The following MROH2B variants were observed in gnomAD, a reference collection of about 807,000 sequenced individuals.
MROH2B encodes maestro heat like repeat family member 2B.
In MROH2B, 177 loss-of-function variants were observed where a neutral mutation model predicts 208.6. That is an observed-to-expected ratio of 0.85 (90% confidence interval 0.75 to 0.96). MROH2B has a LOEUF of 0.96. Ranked by LOEUF, MROH2B falls within the 40% of genes least tolerant of loss-of-function variation. The pLI is 0.00. For synonymous variants in MROH2B, 728 were observed against 659.0 expected (o/e 1.10, Z -1.60); for missense variants, 2,002 against 1,878.7 (o/e 1.07, Z -1.21).
intron 24 of MROH2B, among the ~76,000 whole-genome samples, chr5:41,027,164 C>G (rs1385120974): frequency 2.0e-5 from 3 of 152,150 alleles, no homozygotes; most frequent in Non-Finnish European, 4.4e-5. Flanking sequence ...AAAGCAATGG[C>G]AACAAAAGCA....
intron 24 of MROH2B, 91 bp from the exon 25 acceptor site, chr5:41,019,109 C>A: frequency 4.6e-6 from 7 of 1,506,254 alleles, no homozygotes; most frequent in Non-Finnish European, 6.3e-6. Flanking sequence ...TCACATCTGA[C>A]CAGGCAACTA....
chr5:41,042,319 A>C, intron 18 of MROH2B, 111 bp from the exon 19 acceptor site: 1 of 633,898 alleles, frequency 1.6e-6, no homozygotes, highest in Non-Finnish European at 2.8e-6. Flanking sequence ...GGGGTGACTT[A>C]ATAACCATGT....
At chr5:41,063,847 A>G (rs143407062) in intron 5 of MROH2B, among the ~76,000 whole-genome samples, 1 of 152,120 alleles carries the variant, frequency 6.6e-6, no homozygotes, top group South Asian at 2.1e-4. Flanking sequence ...GCTTCCTAGG[A>G]ATTCCAGGGC....
chr5:41,011,627 C>T (rs1741776355), intron 30 of MROH2B, among the ~76,000 whole-genome samples: 1 of 151,910 alleles, frequency 6.6e-6, no homozygotes, highest in South Asian at 2.1e-4. Context: ...CTTTCTCTTA[C>T]TCTCTTTGAG....
Position 41,017,970 on chromosome 5 carries a change from C to T in MROH2B, c.2764G>A (p.Ala922Thr), listed in dbSNP as rs1031157482. Residue 922 changes from alanine (A) to threonine (T), a missense_variant and splice_region_variant, in exon 28 of 42, where the codon GCA (alanine) becomes ACA (threonine). Coordinates refer to ENST00000399564, the MANE Select transcript of MROH2B (RefSeq NM_173489.5). ...GAACCAATTTTAAAGTTCTCTGGTG[C>T]CTGCAGGATAAAGGAGGCATCCTAT... ...TAKVLTNDIEAPENFKIGSLL... is the reference protein window; with the variant it reads ...TAKVLTNDIETPENFKIGSLL... 4 of 1,572,132 alleles carry T rather than the reference C, an allele frequency of 2.5e-6. No individual in the cohort carries two copies. Among genetic ancestry groups the T allele is most frequent in the Non-Finnish European group, 3.5e-6 (4 of 1,157,306 alleles).
intron 24 of MROH2B, among the ~76,000 whole-genome samples, chr5:41,024,134 C>A (rs896717790): frequency 2.6e-5 from 4 of 152,110 alleles, no homozygotes; most frequent in African/African-American, 9.7e-5. Context: ...AACTAAAGAG[C>A]AAAATAACCA....
intron 31 of MROH2B, among the ~76,000 whole-genome samples, chr5:41,009,614 A>C (rs527535366): frequency 4.6e-5 from 7 of 152,188 alleles, no homozygotes; most frequent in Non-Finnish European, 1.0e-4. Context: ...AAAGTCCACT[A>C]AGATGGGAAC....
chr5:41,003,484 A>C (rs1041633197), intron 37 of MROH2B, among the ~76,000 whole-genome samples: 8 of 152,180 alleles, frequency 5.3e-5, no homozygotes, highest in African/African-American at 1.9e-4. Context: ...AAGAAATGGG[A>C]AAAGGTTGGA....
At position 41,000,267 on chromosome 5, in the gene MROH2B, C is replaced by A. The variant is rs1438422947; in HGVS notation, c.4435G>T (p.Asp1479Tyr). The A allele has an allele frequency of 6.2e-7, 1 of 1,613,884 alleles. No individual in the cohort carries two copies. Among genetic ancestry groups the A allele is most frequent in the East Asian group, 2.2e-5 (1 of 44,874 alleles). The change falls in exon 39 of 42, where the codon GAT (aspartate) becomes TAT (tyrosine). Residue 1479 changes from aspartate to tyrosine, a missense_variant. Physicochemically the swap from Asp to Tyr is radical, Grantham distance 160. Transcript: ENST00000399564. ...TAGAAATCCCTGGCCCTTGGTAGAT[C>A]CTGATCAAGGAGACGGTCTAATACC... Reference protein sequence around the residue: ...YGVLDRLLDQDLPRARDFYRQ... With the variant: ...YGVLDRLLDQYLPRARDFYRQ...
chr5:41,019,169 G>T (rs984346451), intron 24 of MROH2B, among the ~76,000 whole-genome samples, 151 bp from the exon 25 acceptor site: 1 of 152,182 alleles, frequency 6.6e-6, no homozygotes, highest in African/African-American at 2.4e-5. Flanking sequence ...GTGGTGACAG[G>T]AGTAGGGAGA....
chr5:41,070,404 A>G (rs1237061823), intron 1 of MROH2B, among the ~76,000 whole-genome samples: 2 of 152,218 alleles, frequency 1.3e-5, no homozygotes, highest in Non-Finnish European at 2.9e-5. Flanking sequence ...GGTAGGAGAA[A>G]TACTTTTGGA....
chr5:41,059,365 GGTATATTTTA>G (rs557415332), intron 6 of MROH2B, among the ~76,000 whole-genome samples: 18 of 151,770 alleles, frequency 1.2e-4, no homozygotes, highest in Admixed American at 2.6e-4. Context: ...GATAAACACT[GGTATATTTTA>G]GTATATTTTT....
At chr5:41,002,701 CA>C (rs1392895875) in intron 37 of MROH2B, among the ~76,000 whole-genome samples, 2 of 152,166 alleles carry the variant, frequency 1.3e-5, no homozygotes, top group African/African-American at 4.8e-5. Context: ...TCTGAGCTAA[CA>C]ATCAGCAAGG....
intron 6 of MROH2B, among the ~76,000 whole-genome samples, chr5:41,058,839 G>A (rs1369817627): frequency 6.6e-6 from 1 of 151,824 alleles, no homozygotes; most frequent in Non-Finnish European, 1.5e-5. Flanking sequence ...CTGAGGTTAG[G>A]AGATGAAGAC....
At chr5:41,012,776 C>T in intron 29 of MROH2B, 41 bp from the exon 30 acceptor site, 1 of 1,608,188 alleles carries the variant, frequency 6.2e-7, no homozygotes, top group Non-Finnish European at 8.5e-7. Flanking sequence ...TCAACCACCC[C>T]ATTTTATATC....
At chr5:40,998,912 T>G (rs1158448543) in intron 40 of MROH2B, among the ~76,000 whole-genome samples, 1 of 152,192 alleles carries the variant, frequency 6.6e-6, no homozygotes, top group Admixed American at 6.5e-5. Flanking sequence ...GTTCACACAA[T>G]GATCTTCTAA....
At chr5:41,040,379 C>G (rs79633227) in intron 19 of MROH2B, among the ~76,000 whole-genome samples, 4 of 152,120 alleles carry the variant, frequency 2.6e-5, no homozygotes, top group Non-Finnish European at 5.9e-5. Flanking sequence ...AGTGGCATAA[C>G]CCTGCCAGAG....
In MROH2B at chr5:41,071,100, A is replaced by C. The variant is rs560474139; in HGVS notation, c.-248T>G. ...TGCGTCTGAACTCCTGCTAACCAACAAAATGGCTGCATCTCACCAAATATT... is the reference window on the plus strand; with the variant it reads ...TGCGTCTGAACTCCTGCTAACCAACCAAATGGCTGCATCTCACCAAATATT... On this transcript the variant is annotated 5_prime_UTR_variant, in exon 1 of 42. Transcript: ENST00000399564. The C allele has an allele frequency of 1.8e-5, 8 of 446,760 alleles. No homozygotes were observed. The East Asian group carries it at 2.8e-4, about 16-fold the overall frequency. The allele number at this position is 446,760 out of a possible 1,614,324, so 27.7% of individuals were successfully genotyped here.
intron 22 of MROH2B, 106 bp from the exon 23 acceptor site, chr5:41,033,266 TCTTTG>T: frequency 6.8e-7 from 1 of 1,468,782 alleles, no homozygotes; most frequent in Non-Finnish European, 9.2e-7. Flanking sequence ...GGAGTGAGAA[TCTTTG>T]CTTCCTTTGC....
Sources: gnomAD v4.1 joint callset for allele counts (sites outside exome capture counted in the v4.1 genomes callset) on GRCh38, gnomAD v4.1.1 for gene constraint, MANE v1.5 for transcripts, NCBI Gene and HGNC (gene_info 2026-07-23, HGNC 2026-07-21) for gene names.